Variants in KLF7 observed in about 807,000 individuals in gnomAD.
The protein encoded by KLF7 is Krueppel-like factor 7.
KLF7 carries 2 observed loss-of-function variants against 27.3 expected under a neutral mutation model. The observed-to-expected ratio is 0.07, with a 90% CI of 0.03 to 0.23. KLF7 has a LOEUF of 0.23. KLF7 is among the 10% of genes least tolerant of loss of function. KLF7 has a pLI of 1.00. For missense variants in KLF7, 221 were observed against 394.1 expected (o/e 0.56, Z 3.72); for synonymous variants, 165 against 162.4 (o/e 1.02, Z -0.12).
chr2:207,142,834 C>T (rs974190394), intron 1 of KLF7, among the ~76,000 whole-genome samples: 2 of 152,262 alleles, frequency 1.3e-5, no homozygotes, highest in South Asian at 4.1e-4. Context: ...GCCCTCGGGC[C>T]TAAAAAATGT....
intron 1 of KLF7, among the ~76,000 whole-genome samples, chr2:207,164,376 C>G (rs2078636840): frequency 6.6e-6 from 1 of 152,158 alleles, no homozygotes; most frequent in Non-Finnish European, 1.5e-5. Context: ...GTTCACACTT[C>G]CTATGTGCAA....
At chr2:207,113,945 G>T (rs1332030526) in intron 2 of KLF7, among the ~76,000 whole-genome samples, 1 of 152,030 alleles carries the variant, frequency 6.6e-6, no homozygotes, top group Non-Finnish European at 1.5e-5. Context: ...ATTCAGTTTA[G>T]TTGTAAGCCT....
At chr2:207,096,804 A>G (rs1000936374) in intron 2 of KLF7, among the ~76,000 whole-genome samples, 1 of 152,220 alleles carries the variant, frequency 6.6e-6, no homozygotes, top group African/African-American at 2.4e-5. Flanking sequence ...TGCTCAGATA[A>G]TACACTTATT....
intron 1 of KLF7, among the ~76,000 whole-genome samples, chr2:207,164,508 G>A (rs1484693577): frequency 1.2e-4 from 16 of 135,258 alleles, no homozygotes; most frequent in Admixed American, 1.2e-3. Flanking sequence ...CCTAATCGCT[G>A]CTGAAAAAAA....
intron 1 of KLF7, among the ~76,000 whole-genome samples, chr2:207,132,998 A>G (rs945048858): frequency 6.6e-6 from 1 of 152,218 alleles, no homozygotes; most frequent in Non-Finnish European, 1.5e-5. Flanking sequence ...CTCTACCCAC[A>G]GTTGCAGAGA....
intron 1 of KLF7, among the ~76,000 whole-genome samples, chr2:207,164,362 A>G (rs2078636574): frequency 6.6e-6 from 1 of 152,094 alleles, no homozygotes; most frequent in Admixed American, 6.6e-5. Flanking sequence ...GACGGACTGT[A>G]CAAGTTCACA....
At chr2:207,143,809 T>A (rs1318482513) in intron 1 of KLF7, among the ~76,000 whole-genome samples, 1 of 152,160 alleles carries the variant, frequency 6.6e-6, no homozygotes, top group Non-Finnish European at 1.5e-5. Context: ...AATCCAGCCC[T>A]GGTCTGAAGC....
At chr2:207,157,219 T>TAAAAAAAAAAA (rs5838052) in intron 1 of KLF7, among the ~76,000 whole-genome samples, 2 of 87,310 alleles carry the variant, frequency 2.3e-5, no homozygotes, top group Non-Finnish European at 4.5e-5. Flanking sequence ...AACAGAAAAG[T>TAAAAAAAAAAA]AAAAAAAAAA....
Position 207,074,270 on chromosome 2 carries a change from T to C in KLF7, c.*6943A>G, listed in dbSNP as rs2076142980. The stretch of plus-strand genomic sequence containing the variant: ...AGCTTGACTACTGCTGTGTCCCATG[T>C]GACAAATGTGTTTTACTGCTGTTTC... On this transcript the variant is annotated 3_prime_UTR_variant, in exon 4 of 4. Transcript: ENST00000309446. 6.6e-6 allele frequency: 1 copy of C among 152,210 alleles called. No individual in the cohort carries two copies. Among genetic ancestry groups the C allele is most frequent in the Admixed American group, 6.5e-5 (1 of 15,272 alleles). The allele number at this position is 152,210 out of a possible 1,614,324, so 9.4% of individuals were successfully genotyped here.
At chr2:207,131,581 A>G (rs1033822592) in intron 1 of KLF7, among the ~76,000 whole-genome samples, 6 of 152,242 alleles carry the variant, frequency 3.9e-5, no homozygotes, top group Non-Finnish European at 5.9e-5. Context: ...ACGTGTTTAC[A>G]TATCACTTTT....
intron 1 of KLF7, among the ~76,000 whole-genome samples, chr2:207,156,261 T>C (rs941708124): frequency 1.3e-5 from 2 of 152,198 alleles, no homozygotes; most frequent in Non-Finnish European, 2.9e-5. Flanking sequence ...CCCACAGTCA[T>C]TACCACAGGA....
intron 1 of KLF7, among the ~76,000 whole-genome samples, chr2:207,144,657 C>T (rs1559158853): frequency 6.6e-6 from 1 of 152,160 alleles, no homozygotes; most frequent in Non-Finnish European, 1.5e-5. Context: ...TTCGGTCATC[C>T]TGCCACTATC....
chr2:207,163,627 G>C (rs141769510), intron 1 of KLF7, among the ~76,000 whole-genome samples: 14 of 152,304 alleles, frequency 9.2e-5, no homozygotes, highest in Admixed American at 1.3e-4. Context: ...AAACAAAGTT[G>C]CATGATTCAT....
intron 1 of KLF7, among the ~76,000 whole-genome samples, chr2:207,148,791 T>C (rs557665548): frequency 6.6e-6 from 1 of 152,310 alleles, no homozygotes; most frequent in Non-Finnish European, 1.5e-5. Context: ...TGCCTTATAC[T>C]GTGCCTTCCT....
chr2:207,165,106 A>C (rs769292340), intron 1 of KLF7, among the ~76,000 whole-genome samples: 3 of 149,490 alleles, frequency 2.0e-5, no homozygotes, highest in Non-Finnish European at 4.4e-5. Flanking sequence ...GGTCCCTGTC[A>C]GCAATCGCTC....
chr2:207,172,335 T>G, the KLF7 span, among the ~76,000 whole-genome samples: 4 of 152,278 alleles, frequency 2.6e-5, no homozygotes, highest in Admixed American at 2.0e-4. Flanking sequence ...TACCTCCTTT[T>G]TATCCAATCC....
chr2:207,120,708 C>T (rs1027448566), intron 2 of KLF7, among the ~76,000 whole-genome samples: 2 of 152,220 alleles, frequency 1.3e-5, no homozygotes, highest in Non-Finnish European at 2.9e-5. Context: ...GCTCTCCCAA[C>T]TCCAGTCCTT....
intron 2 of KLF7, among the ~76,000 whole-genome samples, chr2:207,103,885 C>T (rs2076822361): frequency 6.6e-6 from 1 of 152,216 alleles, no homozygotes; most frequent in Non-Finnish European, 1.5e-5. Flanking sequence ...AACATTTTAT[C>T]CCAAAATCCT....
intron 3 of KLF7, among the ~76,000 whole-genome samples, chr2:207,083,741 G>A (rs1196777108): frequency 1.3e-5 from 2 of 152,212 alleles, no homozygotes; most frequent in African/African-American, 4.8e-5. Flanking sequence ...TAAACAGGGA[G>A]ATTATTCTGG....
Sources: allele counts gnomAD v4.1 joint callset (sites outside exome capture counted in the v4.1 genomes callset), GRCh38; gene constraint gnomAD v4.1.1; transcripts MANE v1.5; gene names NCBI Gene and HGNC (gene_info 2026-07-23, HGNC 2026-07-21).